CSMD3: variants seen among roughly 807,000 people sequenced by gnomAD.
The protein encoded by CSMD3 is CUB and Sushi multiple domains 3.
Under a neutral mutation model 435.2 loss-of-function variants are expected in CSMD3, and 177 were observed. The ratio of observed to expected loss-of-function variants is 0.41; its 90% CI spans 0.36 to 0.46. The LOEUF (loss-of-function observed/expected upper bound fraction) is 0.46. Ranked by LOEUF, CSMD3 falls within the 20% of genes least tolerant of loss-of-function variation. The pLI is 0.34. For synonymous variants in CSMD3, 1,656 were observed against 1,520.5 expected (o/e 1.09, Z -2.07); for missense variants, 4,265 against 4,504.6 (o/e 0.95, Z 1.52).
chr8:112,582,540 G>A (rs1335613521), intron 23 of CSMD3, among the ~76,000 whole-genome samples: 1 of 151,856 alleles, frequency 6.6e-6, no homozygotes, highest in Non-Finnish European at 1.5e-5. Flanking sequence ...GTAAAATTAC[G>A]CCAAATCATA....
At position 112,608,033 on chromosome 8, in the gene CSMD3, G is replaced by A. The variant is rs375904741; in HGVS notation, c.3716-20798C>T. On this transcript the variant is annotated intron_variant, in intron 22 of 70. Coordinates refer to ENST00000297405, the MANE Select transcript of CSMD3 (RefSeq NM_198123.2). ...GCAATTGTCTCTGTTTGCAGATGAC[G>A]TCATCTTACATATAGAAAACTCTAA... 6.6e-5 allele frequency among the ~76,000 whole-genome samples: 10 copies of A among 152,112 alleles called. No individual in the cohort carries two copies. The South Asian group carries it at 8.3e-4, about 13-fold the overall frequency.
chr8:112,796,340 A>G (rs67892384), intron 13 of CSMD3, among the ~76,000 whole-genome samples: 50,530 of 151,852 alleles, frequency 0.33, 9,266 homozygotes, highest in African/African-American at 0.5. Flanking sequence ...ATCAGGCTAG[A>G]TTCTGGGAAT....
chr8:113,274,851 GAA>G (rs1425199444), intron 3 of CSMD3, among the ~76,000 whole-genome samples: 13 of 113,262 alleles, frequency 1.1e-4, no homozygotes, highest in African/African-American at 4.3e-4. Context: ...AAGAGAGAGA[GAA>G]AGAAAAAAAG....
At chr8:112,989,850 C>T (rs1053544760) in intron 6 of CSMD3, among the ~76,000 whole-genome samples, 18 of 151,968 alleles carry the variant, frequency 1.2e-4, no homozygotes, top group Admixed American at 9.2e-4. Context: ...TGTGTCCCCA[C>T]CCAAATCTCA....
At chr8:113,285,337 G>A (rs2093638653) in intron 2 of CSMD3, among the ~76,000 whole-genome samples, 1 of 123,916 alleles carries the variant, frequency 8.1e-6, no homozygotes, top group Admixed American at 8.6e-5. Flanking sequence ...TCGGCTCACT[G>A]CAAGCTCCAC....
At chr8:112,894,691 C>T (rs569759480) in intron 10 of CSMD3, among the ~76,000 whole-genome samples, 22 of 151,032 alleles carry the variant, frequency 1.5e-4, no homozygotes, top group Non-Finnish European at 2.5e-4. Context: ...AAAATTAAGA[C>T]GGATTTAGAT....
At chr8:112,906,808 T>G (rs1034402939) in intron 10 of CSMD3, among the ~76,000 whole-genome samples, 1 of 151,570 alleles carries the variant, frequency 6.6e-6, no homozygotes, top group Non-Finnish European at 1.5e-5. Context: ...ATCAACCTTT[T>G]TGTTTGTCTT....
chr8:112,931,354 T>C (rs1385013822), intron 9 of CSMD3, among the ~76,000 whole-genome samples: 1 of 151,836 alleles, frequency 6.6e-6, no homozygotes, highest in Non-Finnish European at 1.5e-5. Context: ...TTTCCAACAC[T>C]CTCTTCAATA....
At chr8:112,374,315 CT>C (rs1828736025) in intron 38 of CSMD3, among the ~76,000 whole-genome samples, 1 of 152,144 alleles carries the variant, frequency 6.6e-6, no homozygotes, top group African/African-American at 2.4e-5. Flanking sequence ...TCCCTCTCCC[CT>C]ATTACCTCTC....
chr8:112,945,209 G>T (rs2083565652), intron 9 of CSMD3, among the ~76,000 whole-genome samples: 1 of 151,514 alleles, frequency 6.6e-6, no homozygotes, highest in South Asian at 2.1e-4. Context: ...AAATTTTCAT[G>T]GGATATTAAG....
intron 31 of CSMD3, among the ~76,000 whole-genome samples, chr8:112,485,129 G>A (rs1819998710): frequency 6.6e-6 from 1 of 152,058 alleles, no homozygotes; most frequent in African/African-American, 2.4e-5. Context: ...AATAGCAAGT[G>A]CTCACTAACA....
chr8:112,262,695 C>G (rs1816534638), intron 61 of CSMD3, among the ~76,000 whole-genome samples: 2 of 151,988 alleles, frequency 1.3e-5, no homozygotes, highest in Non-Finnish European at 2.9e-5. Flanking sequence ...AACATAAAAG[C>G]CCTCTTGCAA....
intron 3 of CSMD3, among the ~76,000 whole-genome samples, chr8:113,247,152 G>C (rs1340456047): frequency 3.3e-5 from 5 of 152,140 alleles, no homozygotes; most frequent in Non-Finnish European, 7.4e-5. Flanking sequence ...CTAGTCTCTT[G>C]TTTGTTCCAA....
In CSMD3 at chr8:112,660,641, C is replaced by T. The variant is rs1287876280; in HGVS notation, c.2817-4300G>A. 2.0e-5 allele frequency among the ~76,000 whole-genome samples: 3 copies of T among 152,046 alleles called. No individual in the cohort carries two copies. The East Asian group carries it at 5.8e-4, about 29-fold the overall frequency. ...GTAAAGGAAAGGCAAATAGAAGGCT[C>T]AAGCCCTAAAAGGAGCGTTTATTTC... On this transcript the variant is annotated intron_variant, in intron 17 of 70. Transcript: ENST00000297405.
At chr8:112,370,931 T>C (rs1828333595) in intron 38 of CSMD3, among the ~76,000 whole-genome samples, 1 of 152,116 alleles carries the variant, frequency 6.6e-6, no homozygotes, top group Non-Finnish European at 1.5e-5. Flanking sequence ...GATATAGGCA[T>C]TGAGACAGGT....
At chr8:112,634,286 A>T (rs778949012) in intron 22 of CSMD3, among the ~76,000 whole-genome samples, 6 of 152,046 alleles carry the variant, frequency 3.9e-5, no homozygotes, top group Non-Finnish European at 7.4e-5. Flanking sequence ...GTGTGTTTAG[A>T]ATCAGAAATT....
rs1186122763 is a variant in CSMD3, at chr8:112,791,327, A to G, written c.1972+8835T>C. Among the ~76,000 whole-genome samples, 313 of 150,496 alleles carry G rather than the reference A, an allele frequency of 2.1e-3. 1 individual carries two copies. Among genetic ancestry groups the G allele is most frequent in the African/African-American group, 7.3e-3 (301 of 41,290 alleles). ...ACAGAGGCATATCCTGTGAAAAAAAAAAAAAAAAAAAAAGGAACTAATGTG... is the reference window on the plus strand; with the variant it reads ...ACAGAGGCATATCCTGTGAAAAAAAGAAAAAAAAAAAAAGGAACTAATGTG... On this transcript the variant is annotated intron_variant, in intron 13 of 70. Coordinates refer to ENST00000297405, the MANE Select transcript of CSMD3 (RefSeq NM_198123.2).
intron 6 of CSMD3, among the ~76,000 whole-genome samples, chr8:113,009,877 G>C (rs1344600096): frequency 2.0e-5 from 3 of 151,466 alleles, no homozygotes; most frequent in African/African-American, 7.3e-5. Flanking sequence ...ACTAATAAAA[G>C]GTTAAATAAA....
chr8:112,767,033 A>T (rs2077997040), intron 13 of CSMD3, among the ~76,000 whole-genome samples: 1 of 151,870 alleles, frequency 6.6e-6, no homozygotes, highest in African/African-American at 2.4e-5. Context: ...GTAGAAATGT[A>T]CTATAAATGG....
Sources: gnomAD v4.1 joint callset for allele counts (sites outside exome capture counted in the v4.1 genomes callset) on GRCh38, gnomAD v4.1.1 for gene constraint, MANE v1.5 for transcripts, NCBI Gene and HGNC (gene_info 2026-07-23, HGNC 2026-07-21) for gene names.